The following PRMT8 variants were observed in gnomAD, a reference collection of about 807,000 sequenced individuals.
PRMT8 encodes protein arginine methyltransferase 8.
In PRMT8, 7 loss-of-function variants were observed where a neutral mutation model predicts 47.1. The ratio of observed to expected loss-of-function variants is 0.15; its 90% CI spans 0.08 to 0.28. PRMT8 has a LOEUF of 0.28. PRMT8 is among the 10% of genes least tolerant of loss of function. The pLI is 1.00. For missense variants in PRMT8, 237 were observed against 505.4 expected, an observed-to-expected ratio of 0.47 and a Z score of 5.09; for synonymous variants, 188 against 186.5, an observed-to-expected ratio of 1.01 and a Z score of -0.07.
chr12:3,437,622 C>CTATATATA lies in PRMT8; in HGVS notation c.48+56202_48+56209dup, dbSNP rs57504454. Among the ~76,000 whole-genome samples, 582 of 142,828 alleles carry CTATATATA rather than the reference C, an allele frequency of 4.1e-3. 1 individual carries two copies. Among genetic ancestry groups the CTATATATA allele is most frequent in the African/African-American group, 7.3e-3 (269 of 36,890 alleles). The allele number at this position is 142,828 out of a possible 152,430, so 93.7% of individuals were successfully genotyped here. On this transcript the variant is annotated intron_variant, in intron 1 of 9. Coordinates refer to the PRMT8 transcript ENST00000452611. Reference sequence around the variant, plus strand: ...ATTCCCTTTCTGGTGTGCATTCAGGCTATATATATATATATATATATATAT... The same window carrying CTATATATA: ...ATTCCCTTTCTGGTGTGCATTCAGGCTATATATATATATATATATATATATATATATAT...
intron 1 of PRMT8, among the ~76,000 whole-genome samples, chr12:3,416,865 C>T (rs1864488783): frequency 6.6e-6 from 1 of 152,180 alleles, no homozygotes; most frequent in African/African-American, 2.4e-5. Flanking sequence ...GGCTTAAGTA[C>T]ATTTTCTCAG....
At chr12:3,457,621 TG>T in intron 1 of PRMT8, among the ~76,000 whole-genome samples, 3 of 152,198 alleles carry the variant, frequency 2.0e-5, no homozygotes, top group Admixed American at 2.0e-4. Context: ...TGCACATCTT[TG>T]TATCTATAGT....
intron 1 of PRMT8, among the ~76,000 whole-genome samples, chr12:3,464,336 G>A (rs1180214302): frequency 6.7e-6 from 1 of 149,960 alleles, no homozygotes; most frequent in Non-Finnish European, 1.5e-5. Context: ...AACTCCTAAC[G>A]TGCTGTGTTT....
At chr12:3,468,340 T>C (rs1298737562) in intron 1 of PRMT8, among the ~76,000 whole-genome samples, 1 of 152,122 alleles carries the variant, frequency 6.6e-6, no homozygotes. Flanking sequence ...GGAGGAGATG[T>C]TTGATAGTTC....
chr12:3,415,686 G>T (rs1045100203), intron 1 of PRMT8, among the ~76,000 whole-genome samples: 1 of 152,216 alleles, frequency 6.6e-6, no homozygotes, highest in African/African-American at 2.4e-5. Context: ...AGGAAGGAAG[G>T]TGGGGCTACA....
chr12:3,517,510 C>G (rs904735179), intron 1 of PRMT8, among the ~76,000 whole-genome samples: 7 of 152,148 alleles, frequency 4.6e-5, no homozygotes, highest in African/African-American at 1.7e-4. Flanking sequence ...CAAGCTCATG[C>G]ATGAGCTAAG....
rs563657150 is a variant in PRMT8, at chr12:3,538,363, C to A, written c.76-2243C>A. On this transcript the variant is annotated intron_variant, in intron 1 of 9. Transcript: ENST00000382622. The surrounding 1 kb of genome is among the most constrained non-coding windows in gnomAD (Gnocchi z 4.6). ...ACAGTTCCCACACGTCTATTTCTTCCACAGGACCTGCACGCTGCCTTGCTG... is the reference window on the plus strand; with the variant it reads ...ACAGTTCCCACACGTCTATTTCTTCAACAGGACCTGCACGCTGCCTTGCTG... 3 of 277,234 alleles carry A rather than the reference C, an allele frequency of 1.1e-5. No homozygotes were observed. Among genetic ancestry groups the A allele is most frequent in the Non-Finnish European group, 2.2e-5 (3 of 138,392 alleles). The allele number at this position is 277,234 out of a possible 1,614,324, so 17.2% of individuals were successfully genotyped here.
intron 1 of PRMT8, among the ~76,000 whole-genome samples, chr12:3,523,553 CAAATTTAA>C (rs1242373750): frequency 2.6e-5 from 4 of 152,088 alleles, no homozygotes; most frequent in African/African-American, 4.8e-5. Flanking sequence ...TAACTTAAGG[CAAATTTAA>C]AAAGTTAAGA....
chr12:3,575,271 TC>T (rs1565446792), intron 6 of PRMT8, among the ~76,000 whole-genome samples: 1 of 152,218 alleles, frequency 6.6e-6, no homozygotes, highest in Admixed American at 6.5e-5. Context: ...ACACCCACTC[TC>T]CTAAACACAC....
At chr12:3,455,573 A>C (rs765358989) in intron 1 of PRMT8, among the ~76,000 whole-genome samples, 43 of 152,166 alleles carry the variant, frequency 2.8e-4, no homozygotes, top group Non-Finnish European at 5.4e-4. Context: ...CATGCATGGG[A>C]GTAGGTGTGT....
chr12:3,434,478 C>A (rs1314490612), intron 1 of PRMT8, among the ~76,000 whole-genome samples: 2 of 152,160 alleles, frequency 1.3e-5, no homozygotes, highest in African/African-American at 4.8e-5. Flanking sequence ...TAACATAACC[C>A]TAAGCAACAT....
At chr12:3,478,051 T>A (rs1161079943) in intron 1 of PRMT8, among the ~76,000 whole-genome samples, 1 of 151,702 alleles carries the variant, frequency 6.6e-6, no homozygotes, top group Admixed American at 6.6e-5. Context: ...GCTCTAAGAG[T>A]GTAAAGAAGA....
At chr12:3,512,545 A>C (rs11062692) in intron 1 of PRMT8, among the ~76,000 whole-genome samples, 1 of 152,326 alleles carries the variant, frequency 6.6e-6, no homozygotes, top group East Asian at 1.9e-4. Flanking sequence ...GTCAGGAATC[A>C]GACCAGAGGC....
rs764460500 is a variant in PRMT8 at position 3,564,396 on chromosome 12, G to A, written c.482-4310G>A. ...AAATGAGGTTGAGCTGGCCTGATTTGTTTAAAAACAAAAATGACCATTAAT... is the reference window on the plus strand; with the variant it reads ...AAATGAGGTTGAGCTGGCCTGATTTATTTAAAAACAAAAATGACCATTAAT... On this transcript the variant is annotated intron_variant, in intron 4 of 9. Coordinates refer to ENST00000382622, the MANE Select transcript of PRMT8 (RefSeq NM_019854.5). The surrounding 1 kb of genome is among the most constrained non-coding windows in gnomAD (Gnocchi z 4.0). Among the ~76,000 whole-genome samples, 4 of 152,108 alleles carry A rather than the reference G, an allele frequency of 2.6e-5. No homozygotes were observed. The highest frequency in any genetic ancestry group is 5.9e-5 in the Non-Finnish European group (4 of 68,014).
intron 1 of PRMT8, among the ~76,000 whole-genome samples, chr12:3,523,579 T>G (rs1205282587): frequency 6.6e-6 from 1 of 152,090 alleles, no homozygotes; most frequent in Non-Finnish European, 1.5e-5. Flanking sequence ...AGACTGAATA[T>G]GGGGGTGTAA....
upstream of PRMT8, among the ~76,000 whole-genome samples, chr12:3,490,673 CAAAGAGAGAGAG>C (rs1260967662): frequency 1.5e-5 from 1 of 65,172 alleles, no homozygotes; most frequent in African/African-American, 5.3e-5. Flanking sequence ...GCTTTGGGTA[CAAAGAGAGAGAG>C]AGAGAGAGAG....
In PRMT8 at chr12:3,580,354, G is replaced by A. The variant is rs192030470; in HGVS notation, c.829-2704G>A. Among the ~76,000 whole-genome samples, 4 of 151,716 alleles carry A rather than the reference G, an allele frequency of 2.6e-5. No individual in the cohort carries two copies. Among genetic ancestry groups the A allele is most frequent in the South Asian group, 2.1e-4 (1 of 4,810 alleles). ...TGCGTGTGCGTGTGTGTGTGTGTGT[G>A]TGTGTGTGTGTGTACGCGTGCGCAT... On this transcript the variant is annotated intron_variant, in intron 7 of 9. Transcript: ENST00000382622. This position sits in a 1 kb window ranked among gnomAD's most constrained non-coding sequence, Gnocchi z 4.6.
In PRMT8 at chr12:3,524,960, T is replaced by C. The variant is rs143414710; in HGVS notation, c.76-15646T>C. On this transcript the variant is annotated intron_variant, in intron 1 of 9. Transcript: ENST00000382622. ...AAATATGGCCAGGTGCAGTGCCTCA[T>C]GCCTGTAATCCCAGCACTTTGGGAG... is the stretch of plus-strand genomic sequence containing the variant. 8.0e-3 allele frequency among the ~76,000 whole-genome samples: 1,211 copies of C among 152,324 alleles called. 21 individuals carry two copies. Among genetic ancestry groups the C allele is most frequent in the African/African-American group, 0.028 (1,150 of 41,570 alleles).
At chr12:3,490,675 A>AAGAGAGAG (rs370069857), upstream of PRMT8, among the ~76,000 whole-genome samples, 2,477 of 120,996 alleles carry the variant, frequency 0.02, 49 homozygotes, top group Admixed American at 0.039. Context: ...TTTGGGTACA[A>AAGAGAGAG]AGAGAGAGAG....
Sources: allele counts gnomAD v4.1 joint callset (sites outside exome capture counted in the v4.1 genomes callset), GRCh38; gene constraint gnomAD v4.1.1; non-coding constraint Gnocchi (gnomAD v3.1); transcripts MANE v1.5; gene names NCBI Gene and HGNC (gene_info 2026-07-23, HGNC 2026-07-21).